The following ING3 variants were observed in gnomAD, a reference collection of about 807,000 sequenced individuals.
ING3 encodes inhibitor of growth protein 3.
Under a neutral mutation model 64.8 loss-of-function variants are expected in ING3, and 6 were observed. The ratio of observed to expected loss-of-function variants is 0.09; its 90% confidence interval spans 0.05 to 0.18. ING3 has a LOEUF of 0.18. Ranked by LOEUF, ING3 falls within the 10% of genes least tolerant of loss-of-function variation. The pLI is 1.00. For missense variants in ING3, 310 were observed against 489.7 expected, an observed-to-expected ratio of 0.63 and a Z score of 3.46; for synonymous variants, 170 against 173.7, an observed-to-expected ratio of 0.98 and a Z score of 0.17.
At chr7:120,964,424 C>A (rs1795972592) in intron 4 of ING3, among the ~76,000 whole-genome samples, 1 of 152,106 alleles carries the variant, frequency 6.6e-6, no homozygotes, top group African/African-American at 2.4e-5. Context: ...ACCATCCCCT[C>A]CTCCCATTCT....
intron 2 of ING3, among the ~76,000 whole-genome samples, chr7:120,952,765 T>G (rs951716472): frequency 6.6e-6 from 1 of 152,050 alleles, no homozygotes; most frequent in Non-Finnish European, 1.5e-5. Context: ...TTTTCCTTTT[T>G]TTTTTTAGCA....
In ING3 at chr7:120,967,918, T is replaced by C. The variant is rs1449591513; in HGVS notation, c.557-16T>C. ...TTCTCTGCAACCATTTTTATTTCTT[T>C]TTTACATCTACACAGGTTGTCGAAA... is the stretch of plus-strand genomic sequence containing the variant. On this transcript the variant is annotated splice_polypyrimidine_tract_variant and intron_variant, in intron 7 of 11. Coordinates refer to ENST00000315870, the MANE Select transcript of ING3 (RefSeq NM_019071.3). 1.2e-6 allele frequency: 2 copies of C among 1,612,406 alleles called. No homozygotes were observed. Among genetic ancestry groups the C allele is most frequent in the Non-Finnish European group, 1.7e-6 (2 of 1,179,062 alleles).
In ING3 at chr7:120,955,526, A is replaced by G. The variant is rs375290232; in HGVS notation, c.202-33A>G. The G allele has an allele frequency of 6.6e-5, 94 of 1,415,552 alleles. 2 individuals carry two copies. Among genetic ancestry groups the G allele is most frequent in the East Asian group, 4.2e-4 (18 of 42,842 alleles). The allele number at this position is 1,415,552 out of a possible 1,614,324, so 87.7% of individuals were successfully genotyped here. A position where few individuals can be genotyped will look rare whatever the true frequency, so the allele number is the denominator to read the frequency against. ...GCATATGAATATTTTAAAATGATTA[A>G]TTTATTTTTGAAATGAAAATGTTTT... On this transcript the variant is annotated intron_variant, in intron 3 of 11. Coordinates refer to ENST00000315870, the MANE Select transcript of ING3 (RefSeq NM_019071.3).
rs192656382 is a variant in ING3, at chr7:120,959,897, G to A, written c.267+4273G>A. On this transcript the variant is annotated intron_variant, in intron 4 of 11. Transcript: ENST00000315870. ...CCTGACCTCGTGATCCGCCCGCCTC[G>A]GCCTCCCAAAGTGCTGGGATTACAG... Among the ~76,000 whole-genome samples the A allele has an allele frequency of 6.1e-3, 921 of 151,716 alleles. 17 individuals are homozygous for A. The highest frequency in any genetic ancestry group is 0.021 in the African/African-American group (877 of 41,388).
chr7:120,968,342 G>A (rs2116683529), intron 8 of ING3, among the ~76,000 whole-genome samples: 1 of 152,270 alleles, frequency 6.6e-6, no homozygotes, highest in South Asian at 2.1e-4. Context: ...AACTGCTCAT[G>A]TTGCCCATGT....
chr7:120,959,378 A>C (rs1355158779), intron 4 of ING3, among the ~76,000 whole-genome samples: 4 of 152,208 alleles, frequency 2.6e-5, no homozygotes, highest in Admixed American at 2.6e-4. Flanking sequence ...TAGTGTTAAC[A>C]ATTATACGTT....
intron 7 of ING3, 86 bp downstream of exon 7, chr7:120,967,734 A>C: frequency 1.4e-6 from 2 of 1,395,626 alleles, no homozygotes; most frequent in African/African-American, 2.9e-5. Context: ...AATGAATCAT[A>C]CAGTTTCTTT....
At chr7:120,964,425 C>T (rs908984469) in intron 4 of ING3, among the ~76,000 whole-genome samples, 2 of 152,140 alleles carry the variant, frequency 1.3e-5, no homozygotes, top group Non-Finnish European at 2.9e-5. Context: ...CCATCCCCTC[C>T]TCCCATTCTC....
At chr7:120,968,118 A>C in intron 8 of ING3, 27 bp downstream of exon 8, 1 of 1,594,130 alleles carries the variant, frequency 6.3e-7, no homozygotes, top group Non-Finnish European at 8.6e-7. Flanking sequence ...TTAGAGACAA[A>C]ATGTTACATT....
intron 4 of ING3, chr7:120,956,871 A>G (rs1795856328): frequency 3.4e-6 from 3 of 890,100 alleles, no homozygotes; most frequent in South Asian, 5.2e-5. Context: ...CTTTGGTTCT[A>G]TTCTTTGTTT....
At chr7:120,967,009 A>G (rs1465537630) in intron 6 of ING3, among the ~76,000 whole-genome samples, 2 of 152,176 alleles carry the variant, frequency 1.3e-5, no homozygotes, top group Admixed American at 6.5e-5. Context: ...GAGCTTTTCA[A>G]CTGAGCCAAA....
chr7:120,951,635 T>A (rs1202414250), intron 2 of ING3, among the ~76,000 whole-genome samples: 2 of 152,188 alleles, frequency 1.3e-5, no homozygotes, highest in Admixed American at 1.3e-4. Context: ...CTATTCACAG[T>A]TTTTCAAGAG....
intron 3 of ING3, among the ~76,000 whole-genome samples, chr7:120,953,985 A>T (rs1223157386): frequency 6.6e-6 from 1 of 152,220 alleles, no homozygotes; most frequent in East Asian, 1.9e-4. Flanking sequence ...AGTATGATTG[A>T]GTTCATTTAG....
At chr7:120,970,038 T>C (rs1432956308) in intron 9 of ING3, among the ~76,000 whole-genome samples, 1 of 152,222 alleles carries the variant, frequency 6.6e-6, no homozygotes, top group African/African-American at 2.4e-5. Context: ...TGTGAATTTT[T>C]ACAGTCTTGG....
chr7:120,975,899 A>G lies in ING3; in HGVS notation c.*1055A>G, dbSNP rs777878789. ...TGGCTTTTCCTTCAGTCTAAAAGAC[A>G]TGAAAGAAGTGTAAGTATAGCAGTT... On this transcript the variant is annotated 3_prime_UTR_variant, in exon 12 of 12. Transcript: ENST00000315870. 2.0e-5 allele frequency: 3 copies of G among 152,190 alleles called. No homozygotes were observed. Among genetic ancestry groups the G allele is most frequent in the Non-Finnish European group, 4.4e-5 (3 of 68,018 alleles). 9.4% of individuals were successfully genotyped at this position (152,190 alleles called of 1,614,324 possible). A position where few individuals can be genotyped will look rare whatever the true frequency, so the allele number is the denominator to read the frequency against.
intron 4 of ING3, chr7:120,956,338 A>C: frequency 1.4e-6 from 2 of 1,389,594 alleles, no homozygotes; most frequent in East Asian, 2.8e-5. Context: ...ACACATGCTC[A>C]CTTTTGGCTA....
Position 120,950,866 on chromosome 7 carries a change from C to T in ING3, c.-31C>T. 4 of 1,612,854 alleles carry T rather than the reference C, an allele frequency of 2.5e-6. No homozygotes were observed. The East Asian group carries it at 8.9e-5, about 36-fold the overall frequency. ...CGAGTGACACAAATAAACCCCTGGA[C>T]CCCCTTGTTCCCTCAGCTCTAAGGG... On this transcript the variant is annotated 5_prime_UTR_variant, in exon 1 of 12. Coordinates refer to ENST00000315870, the MANE Select transcript of ING3 (RefSeq NM_019071.3).
intron 2 of ING3, 90 bp downstream of exon 2, chr7:120,951,325 C>T: frequency 8.0e-7 from 1 of 1,251,102 alleles, no homozygotes; most frequent in Non-Finnish European, 1.2e-6. Context: ...TGCTCTTTCA[C>T]TGTCCTCTGG....
At position 120,966,478 on chromosome 7, in the gene ING3, A is replaced by G. The variant is rs903140060; in HGVS notation, c.365-148A>G. On this transcript the variant is annotated intron_variant, in intron 5 of 11. Coordinates refer to ENST00000315870, the MANE Select transcript of ING3 (RefSeq NM_019071.3). ...GGATGGACAGTGGTGATCCTCTAAC[A>G]TGTCTGGCTAAAATAAATACAGGCA... 5.3e-5 allele frequency: 39 copies of G among 732,894 alleles called. No homozygotes were observed. The Admixed American group carries it at 7.4e-4, about 14-fold the overall frequency. The allele number at this position is 732,894 out of a possible 1,614,324, so 45.4% of individuals were successfully genotyped here.
Sources: allele counts gnomAD v4.1 joint callset (sites outside exome capture counted in the v4.1 genomes callset), GRCh38; gene constraint gnomAD v4.1.1; transcripts MANE v1.5; gene names NCBI Gene and HGNC (gene_info 2026-07-23, HGNC 2026-07-21).